Variants in TBPL1 observed in about 807,000 individuals in gnomAD.
The protein encoded by TBPL1 is TATA box-binding protein-like 1.
A neutral mutation model predicts 22.1 loss-of-function variants in TBPL1; 4 were observed. The ratio of observed to expected loss-of-function variants is 0.18; its 90% CI spans 0.09 to 0.41. The LOEUF is 0.41. TBPL1 is among the 10% of genes least tolerant of loss of function. The probability of loss-of-function intolerance (pLI) is 1.00; values close to 1 mark genes in which losing one functional copy is unlikely to be tolerated. For missense variants in TBPL1, 115 were observed against 222.3 expected (o/e 0.52, Z 3.07); for synonymous variants, 64 against 71.0 (o/e 0.90, Z 0.50).
chr6:133,984,698 T>G (rs1266616568), intron 6 of TBPL1, 27 bp downstream of exon 6: 2 of 1,535,090 alleles, frequency 1.3e-6, no homozygotes, highest in Admixed American at 1.7e-5. Context: ...AAACCACACT[T>G]ATCAATTATG....
intron 3 of TBPL1, 41 bp from the exon 4 acceptor site, chr6:133,982,776 C>G (rs1180964887): frequency 6.3e-7 from 1 of 1,597,852 alleles, no homozygotes; most frequent in Non-Finnish European, 8.5e-7. Flanking sequence ...ACATTTATTT[C>G]CTGTGTAACT....
intron 5 of TBPL1, 25 bp from the exon 6 acceptor site, chr6:133,984,552 A>G: frequency 6.2e-7 from 1 of 1,610,630 alleles, no homozygotes; most frequent in Non-Finnish European, 8.5e-7. Context: ...AAATATTTAT[A>G]TTAATTGTGG....
At chr6:133,952,963 C>T (rs971617204), upstream of TBPL1, among the ~76,000 whole-genome samples, 1 of 152,162 alleles carries the variant, frequency 6.6e-6, no homozygotes, top group African/African-American at 2.4e-5. The surrounding 1 kb of genome is among the most constrained non-coding windows in gnomAD (Gnocchi z 4.5). Context: ...GTCCGATGCC[C>T]ATTAGCGCCG....
intron 1 of TBPL1, among the ~76,000 whole-genome samples, chr6:133,968,101 C>T (rs1209856134): frequency 6.6e-6 from 1 of 151,780 alleles, no homozygotes; most frequent in Non-Finnish European, 1.5e-5. Flanking sequence ...CTGCATCTGC[C>T]TCAGCCTCCC....
chr6:133,973,908 G>A (rs1027087153), intron 1 of TBPL1, among the ~76,000 whole-genome samples: 14 of 149,682 alleles, frequency 9.4e-5, no homozygotes, highest in Admixed American at 4.7e-4. Flanking sequence ...ATTGGTATTT[G>A]TATTTAAATC....
chr6:133,985,337 T>TATATATAC (rs756426220), intron 6 of TBPL1, among the ~76,000 whole-genome samples: 2 of 55,016 alleles, frequency 3.6e-5, no homozygotes, highest in Admixed American at 2.0e-4. Context: ...TATATATATA[T>TATATATAC]ACACACATAT....
At chr6:133,985,217 TGCAGCGAGCTGAGATC>T (rs1369447170) in intron 6 of TBPL1, among the ~76,000 whole-genome samples, 1 of 143,264 alleles carries the variant, frequency 7.0e-6, no homozygotes, top group Non-Finnish European at 1.5e-5. Context: ...AGGCGGAGGT[TGCAGCGAGCTGAGATC>T]GCACCACTGC....
At chr6:133,974,155 A>G (rs1776272682) in intron 1 of TBPL1, among the ~76,000 whole-genome samples, 1 of 152,188 alleles carries the variant, frequency 6.6e-6, no homozygotes, top group Admixed American at 6.5e-5. Flanking sequence ...TACTCTGGCA[A>G]ACATTATGGA....
At chr6:133,964,331 A>G (rs935360966) in intron 1 of TBPL1, among the ~76,000 whole-genome samples, 4 of 152,138 alleles carry the variant, frequency 2.6e-5, no homozygotes, top group African/African-American at 4.8e-5. Flanking sequence ...TGGTGCTTAC[A>G]TGTGGAAAGA....
intron 2 of TBPL1, among the ~76,000 whole-genome samples, chr6:133,980,919 A>T (rs1456466968): frequency 6.6e-6 from 1 of 151,678 alleles, no homozygotes; most frequent in Non-Finnish European, 1.5e-5. Flanking sequence ...AGCTTTAAAA[A>T]TTAGATGCCA....
intron 2 of TBPL1, among the ~76,000 whole-genome samples, chr6:133,980,785 T>C (rs1359599289): frequency 6.6e-6 from 1 of 151,632 alleles, no homozygotes; most frequent in Non-Finnish European, 1.5e-5. Flanking sequence ...TAATAAAACC[T>C]TAGTGTTTTG....
intron 1 of TBPL1, among the ~76,000 whole-genome samples, chr6:133,955,332 C>T (rs189081241): frequency 4.6e-5 from 7 of 151,142 alleles, no homozygotes; most frequent in Admixed American, 6.6e-5. Flanking sequence ...TGCTCTCCTC[C>T]GCCCCAATAC....
At chr6:133,961,465 CTTTTTT>C (rs61695774) in intron 1 of TBPL1, among the ~76,000 whole-genome samples, 1 of 100,208 alleles carries the variant, frequency 1.0e-5, no homozygotes, top group Non-Finnish European at 2.0e-5. Context: ...TTCTTTCTTT[CTTTTTT>C]TTTTTTTTTT....
intron 1 of TBPL1, among the ~76,000 whole-genome samples, chr6:133,968,616 A>G (rs548415487): frequency 6.6e-6 from 1 of 152,292 alleles, no homozygotes; most frequent in South Asian, 2.1e-4. Context: ...GAACTAGTCC[A>G]CTGTCGTGTA....
At position 133,958,813 on chromosome 6, in the gene TBPL1, C is replaced by G. The variant is rs1271633834; in HGVS notation, c.-45+5388C>G. Reference sequence around the variant, plus strand: ...AAAAGCATATTTTGCTTTAAATGTGCAGGGTAAAGTGTTATAATTCCTTCT... The same window carrying G: ...AAAAGCATATTTTGCTTTAAATGTGGAGGGTAAAGTGTTATAATTCCTTCT... On this transcript the variant is annotated intron_variant, in intron 1 of 6. Coordinates refer to ENST00000237264, the MANE Select transcript of TBPL1 (RefSeq NM_004865.4). Among the ~76,000 whole-genome samples, 3 of 152,032 alleles carry G rather than the reference C, an allele frequency of 2.0e-5. No individual in the cohort carries two copies. The East Asian group carries it at 5.8e-4, about 29-fold the overall frequency.
In TBPL1 at chr6:133,988,318, G is replaced by A. The variant is rs1024287280; in HGVS notation, c.*1278G>A. 1.3e-5 allele frequency: 2 copies of A among 152,206 alleles called. No individual in the cohort carries two copies. The highest frequency in any genetic ancestry group is 2.4e-5 in the African/African-American group (1 of 41,452). The allele number at this position is 152,206 out of a possible 1,614,324, so 9.4% of individuals were successfully genotyped here. On this transcript the variant is annotated 3_prime_UTR_variant, in exon 7 of 7. Transcript: ENST00000237264. ...TGATGTGGTAATACAGGATCAAGCT[G>A]TAGTTGTGCCCTGTCATTTAGGTTT...
intron 6 of TBPL1, among the ~76,000 whole-genome samples, chr6:133,985,337 T>TATATATACACAC (rs756426220): frequency 1.8e-5 from 1 of 55,016 alleles, no homozygotes; most frequent in African/African-American, 5.9e-5. Context: ...TATATATATA[T>TATATATACACAC]ACACACATAT....
intron 1 of TBPL1, among the ~76,000 whole-genome samples, chr6:133,956,670 A>G (rs1400455796): frequency 6.6e-6 from 1 of 152,210 alleles, no homozygotes; most frequent in Non-Finnish European, 1.5e-5. Context: ...TAGCTAGTGG[A>G]TGAAGGAAAC....
chr6:133,953,667 C>A (rs992211801), intron 1 of TBPL1, among the ~76,000 whole-genome samples: 1 of 151,668 alleles, frequency 6.6e-6, no homozygotes, highest in Non-Finnish European at 1.5e-5. Flanking sequence ...TTAGGGATAA[C>A]GGGTTGGGGG....
Sources: allele counts gnomAD v4.1 joint callset (sites outside exome capture counted in the v4.1 genomes callset), GRCh38; gene constraint gnomAD v4.1.1; non-coding constraint Gnocchi (gnomAD v3.1); transcripts MANE v1.5; gene names NCBI Gene and HGNC (gene_info 2026-07-23, HGNC 2026-07-21).